MAST2: variants seen among roughly 807,000 people sequenced by gnomAD.
MAST2 encodes the protein microtubule-associated serine/threonine-protein kinase 2.
Under a neutral mutation model 147.4 loss-of-function variants are expected in MAST2, and 70 were observed. That is an observed-to-expected ratio of 0.47 (90% CI 0.39 to 0.58). MAST2 has a LOEUF of 0.58. MAST2 is among the 20% of genes least tolerant of loss of function. The pLI, the probability that MAST2 is intolerant of heterozygous loss-of-function variation, is 0.00. For synonymous variants in MAST2, 869 were observed against 896.8 expected, an observed-to-expected ratio of 0.97 and a Z score of 0.55; for missense variants, 2,080 against 2,302.3, an observed-to-expected ratio of 0.90 and a Z score of 1.98.
intron 4 of MAST2, among the ~76,000 whole-genome samples, chr1:45,894,996 A>G (rs193123869): frequency 1.3e-5 from 2 of 152,346 alleles, no homozygotes; most frequent in East Asian, 3.9e-4. Flanking sequence ...CCATGTAACT[A>G]CAACCACAAT....
At chr1:45,947,721 T>G (rs1375897960) in intron 4 of MAST2, among the ~76,000 whole-genome samples, 2 of 152,164 alleles carry the variant, frequency 1.3e-5, no homozygotes, top group Non-Finnish European at 2.9e-5. Flanking sequence ...CCCAAAAGCT[T>G]CTTTTATTTT....
At chr1:45,886,047 T>A (rs7550746) in intron 4 of MAST2, among the ~76,000 whole-genome samples, 67,517 of 151,470 alleles carry the variant, frequency 0.45, 15,258 homozygotes, top group East Asian at 0.62. Flanking sequence ...GAGGATCGCT[T>A]GAGTTCAGGA....
At chr1:46,008,745 T>C (rs1645592148) in intron 9 of MAST2, among the ~76,000 whole-genome samples, 1 of 152,176 alleles carries the variant, frequency 6.6e-6, no homozygotes, top group Admixed American at 6.5e-5. Flanking sequence ...GTTCACTCAT[T>C]ACAGGATTTG....
At chr1:45,927,601 C>T (rs1654603231) in intron 4 of MAST2, among the ~76,000 whole-genome samples, 1 of 152,226 alleles carries the variant, frequency 6.6e-6, no homozygotes, top group South Asian at 2.1e-4. Flanking sequence ...GGTTCTCTCT[C>T]TTATTCCCTG....
chr1:45,866,475 T>C (rs1194353553), intron 3 of MAST2, among the ~76,000 whole-genome samples: 1 of 152,230 alleles, frequency 6.6e-6, no homozygotes, highest in Non-Finnish European at 1.5e-5. Flanking sequence ...ACTGCTTATT[T>C]ATATCTTTAT....
At chr1:45,820,893 CTTTTTTTTTTTT>C (rs769508054) in intron 1 of MAST2, among the ~76,000 whole-genome samples, 6 of 43,078 alleles carry the variant, frequency 1.4e-4, no homozygotes, top group African/African-American at 5.9e-4. Flanking sequence ...CTTTCTTTCT[CTTTTTTTTTTTT>C]TTTTTTTTTT....
Position 45,882,427 on chromosome 1 carries a change from G to T in MAST2, c.500+32G>T, listed in dbSNP as rs371980639. ...AGATGATTATTACCATTATGATTATGATCTCCTACTTAGGAACCCCTCTTG... is the reference window on the plus strand; with the variant it reads ...AGATGATTATTACCATTATGATTATTATCTCCTACTTAGGAACCCCTCTTG... On this transcript the variant is annotated intron_variant, in intron 4 of 28. Transcript: ENST00000361297. 61 of 1,560,144 alleles carry T rather than the reference G, an allele frequency of 3.9e-5. No homozygotes were observed. In the African/African-American group the frequency reaches 7.2e-4, roughly 18 times the overall value.
intron 4 of MAST2, among the ~76,000 whole-genome samples, chr1:45,922,806 A>T (rs2148656050): frequency 6.6e-6 from 1 of 152,250 alleles, no homozygotes; most frequent in Middle Eastern, 3.4e-3. Flanking sequence ...TCTGTAGAGC[A>T]TGCAGCCCCA....
At chr1:45,865,110 T>G in intron 3 of MAST2, 1 of 456,644 alleles carries the variant, frequency 2.2e-6, no homozygotes, top group South Asian at 1.5e-5. Flanking sequence ...TATGGATGAT[T>G]CCAGTATTCT....
rs1646796424 is a variant in MAST2 at position 46,034,110 on chromosome 1, C to T, written c.3712C>T (p.Gln1238Ter). 6.2e-7 allele frequency: 1 copy of T among 1,613,736 alleles called. No homozygotes were observed. The highest frequency in any genetic ancestry group is 8.5e-7 in the Non-Finnish European group (1 of 1,179,830). Reference sequence around the variant, plus strand: ...CTCCCTGTTCCGCAAGATCACCAAGCAAGCATCCCTGCTCCACACCAGCCG... The same window carrying T: ...CTCCCTGTTCCGCAAGATCACCAAGTAAGCATCCCTGCTCCACACCAGCCG... ...RSSLFRKITK[Q>*]ASLLHTSRSL... The change falls in exon 28 of 29, where the codon CAA (glutamine) becomes TAA (stop). Residue 1238 changes from glutamine to a stop codon, truncating the protein, a stop_gained. Coordinates refer to ENST00000361297, the MANE Select transcript of MAST2 (RefSeq NM_015112.3). LOFTEE classifies it high-confidence loss of function.
chr1:45,816,221 A>AG (rs1553202491), intron 1 of MAST2, among the ~76,000 whole-genome samples: 4 of 134,738 alleles, frequency 3.0e-5, no homozygotes, highest in African/African-American at 1.1e-4. Flanking sequence ...GAGAGAGAGA[A>AG]AGAGAGAGAG....
chr1:46,012,902 C>T (rs753463170), intron 10 of MAST2, among the ~76,000 whole-genome samples: 3 of 151,948 alleles, frequency 2.0e-5, no homozygotes, highest in African/African-American at 4.8e-5. Context: ...CGCCCTGCCT[C>T]GGCCTCTCAA....
chr1:45,996,678 A>G (rs1222749906), intron 5 of MAST2, among the ~76,000 whole-genome samples: 2 of 152,188 alleles, frequency 1.3e-5, no homozygotes, highest in African/African-American at 2.4e-5. Flanking sequence ...GTGCTGCTGC[A>G]TAGGGTAGTA....
At chr1:46,027,941 C>G (rs1646486392) in intron 17 of MAST2, 78 bp downstream of exon 17, 1 of 1,558,104 alleles carries the variant, frequency 6.4e-7, no homozygotes, top group African/African-American at 1.4e-5. Context: ...CCCGTAATCC[C>G]AACCCTTTGG....
intron 4 of MAST2, among the ~76,000 whole-genome samples, chr1:45,893,498 C>T (rs1383610634): frequency 6.6e-6 from 1 of 151,840 alleles, no homozygotes; most frequent in Non-Finnish European, 1.5e-5. Flanking sequence ...GCCTCAGCCT[C>T]CCAAAACGTT....
At chr1:45,834,742 A>T (rs1186708824) in intron 3 of MAST2, among the ~76,000 whole-genome samples, 1 of 152,146 alleles carries the variant, frequency 6.6e-6, no homozygotes, top group Non-Finnish European at 1.5e-5. Flanking sequence ...ACTGGAGCCT[A>T]TGTTCTTCTC....
rs35095652 is a variant in MAST2 at position 45,812,425 on chromosome 1, CTTTTTTTT to C, written c.177+8367_177+8374del. Among the ~76,000 whole-genome samples the C allele has an allele frequency of 4.9e-5, 6 of 121,664 alleles. No individual in the cohort carries two copies. In the East Asian group the frequency reaches 1.5e-3, roughly 30 times the overall value. The allele number at this position is 121,664 out of a possible 152,430, so 79.8% of individuals were successfully genotyped here. ...TTGGCCTAAAGATCAATCTGTAAGC[CTTTTTTTT>C]TTTTTTTTTTTTTAGACGGAGTCTC... On this transcript the variant is annotated intron_variant, in intron 1 of 28. Coordinates refer to ENST00000361297, the MANE Select transcript of MAST2 (RefSeq NM_015112.3).
In MAST2 at chr1:46,030,665, C is replaced by A; in HGVS notation, c.2612C>A (p.Thr871Asn). ...LLEERRTPPP[T>N]KRSLSEEKED... ...GAGGAGCGCCGGACACCACCCCCGA[C>A]CAAGCGCAGCCTGAGTGAGGAGAAG... The change falls in exon 22 of 29, where the codon ACC becomes AAC. Residue 871 changes from threonine (T) to asparagine (N), a missense_variant. Coordinates refer to ENST00000361297, the MANE Select transcript of MAST2 (RefSeq NM_015112.3). 1 of 1,611,632 alleles carries A rather than the reference C, an allele frequency of 6.2e-7. No individual in the cohort carries two copies. Among genetic ancestry groups the A allele is most frequent in the South Asian group, 1.1e-5 (1 of 90,488 alleles).
chr1:46,023,403 C>A lies in MAST2; in HGVS notation c.1571+85C>A. The A allele has an allele frequency of 7.8e-7, 1 of 1,276,024 alleles. No homozygotes were observed. The highest frequency in any genetic ancestry group is 1.2e-5 in the South Asian group (1 of 83,798). 79.0% of individuals were successfully genotyped at this position (1,276,024 alleles called of 1,614,324 possible). A position where few individuals can be genotyped will look rare whatever the true frequency, so the allele number is the denominator to read the frequency against. On this transcript the variant is annotated intron_variant, in intron 14 of 28. Transcript: ENST00000361297. The surrounding 1 kb of genome is among the most constrained non-coding windows in gnomAD (Gnocchi z 4.9). Reference sequence around the variant, plus strand: ...CATGTGAGAGTGTATGCTGCCCAGTCCTCTGGGCAGATGCCTCGGGGTGGA... The same window carrying A: ...CATGTGAGAGTGTATGCTGCCCAGTACTCTGGGCAGATGCCTCGGGGTGGA...
Sources: gnomAD v4.1 joint callset for allele counts (sites outside exome capture counted in the v4.1 genomes callset) on GRCh38, gnomAD v4.1.1 for gene constraint, Gnocchi (gnomAD v3.1) non-coding constraint, MANE v1.5 for transcripts, NCBI Gene and HGNC (gene_info 2026-07-23, HGNC 2026-07-21) for gene names.